Variants in FSTL5 observed in about 807,000 individuals in gnomAD.
FSTL5 encodes follistatin like 5.
In FSTL5, 62 loss-of-function variants were observed where a neutral mutation model predicts 89.1. The observed-to-expected ratio is 0.70, with a 90% CI of 0.57 to 0.86. The LOEUF is 0.86. Among genes scored for constraint, FSTL5 ranks in the 40% least tolerant of loss-of-function variants. The pLI is 0.00. For synonymous variants in FSTL5, 383 were observed against 346.2 expected, an observed-to-expected ratio of 1.11 and a Z score of -1.18; for missense variants, 1,057 against 1,001.6, an observed-to-expected ratio of 1.06 and a Z score of -0.75.
At chr4:161,672,270 T>A (rs1009122702) in intron 6 of FSTL5, among the ~76,000 whole-genome samples, 1 of 152,082 alleles carries the variant, frequency 6.6e-6, no homozygotes, top group Non-Finnish European at 1.5e-5. Flanking sequence ...AAGTTTGCAA[T>A]TATAAATACT....
At chr4:161,744,007 G>C (rs1322728607) in intron 6 of FSTL5, among the ~76,000 whole-genome samples, 1 of 152,124 alleles carries the variant, frequency 6.6e-6, no homozygotes, top group African/African-American at 2.4e-5. Flanking sequence ...TTGCTGACAA[G>C]TTCAGAAACA....
At chr4:161,799,252 C>A (rs932054565) in intron 4 of FSTL5, among the ~76,000 whole-genome samples, 3 of 151,558 alleles carry the variant, frequency 2.0e-5, no homozygotes. Flanking sequence ...TTTGCCCCCT[C>A]CCCGCCGCCA....
chr4:161,700,927 T>G (rs533514978), intron 6 of FSTL5, among the ~76,000 whole-genome samples: 1 of 152,316 alleles, frequency 6.6e-6, no homozygotes, highest in Admixed American at 6.5e-5. Context: ...AGTTTGGAGC[T>G]TCTCATTTTT....
intron 4 of FSTL5, among the ~76,000 whole-genome samples, chr4:161,895,115 A>G (rs529762765): frequency 4.6e-5 from 7 of 152,320 alleles, no homozygotes; most frequent in Non-Finnish European, 8.8e-5. Context: ...GAATGTTTGG[A>G]TAACTTGCCC....
chr4:161,520,510 T>C lies in FSTL5; in HGVS notation c.1313-10086A>G, dbSNP rs146818327. 6.7e-3 allele frequency among the ~76,000 whole-genome samples: 1,025 copies of C among 152,186 alleles called. 11 individuals carry two copies. Among genetic ancestry groups the C allele is most frequent in the African/African-American group, 0.023 (964 of 41,544 alleles). On this transcript the variant is annotated intron_variant, in intron 10 of 15. Transcript: ENST00000306100. ...ATCAAAGACATCGTATATGCTGCTG[T>C]ATATAGGCATTCTAAGTAAACACAT...
At chr4:162,020,138 T>G (rs1737030514) in intron 3 of FSTL5, among the ~76,000 whole-genome samples, 2 of 151,828 alleles carry the variant, frequency 1.3e-5, no homozygotes, top group African/African-American at 2.4e-5. Flanking sequence ...TGAGAAAGTT[T>G]ATAGCAAATG....
intron 4 of FSTL5, among the ~76,000 whole-genome samples, chr4:161,881,624 C>A (rs537485778): frequency 6.6e-6 from 1 of 152,176 alleles, no homozygotes; most frequent in South Asian, 2.1e-4. Context: ...GCTCTACAAA[C>A]TCCAGTGAAG....
chr4:161,411,804 G>A (rs1011742473), intron 15 of FSTL5, among the ~76,000 whole-genome samples: 12 of 152,036 alleles, frequency 7.9e-5, no homozygotes, highest in Admixed American at 5.2e-4. Context: ...CTCAGCACTC[G>A]CATTTAACAT....
At chr4:161,773,195 A>C (rs1056684490) in intron 5 of FSTL5, among the ~76,000 whole-genome samples, 1 of 152,188 alleles carries the variant, frequency 6.6e-6, no homozygotes, top group African/African-American at 2.4e-5. Context: ...AAATCAACTC[A>C]AGATGGATCA....
intron 7 of FSTL5, among the ~76,000 whole-genome samples, chr4:161,610,744 T>C (rs555690901): frequency 2.0e-4 from 30 of 151,522 alleles, no homozygotes; most frequent in South Asian, 1.3e-3. Flanking sequence ...CACATTGATA[T>C]GAAATTGTTA....
At chr4:161,914,734 C>A (rs1384618323) in intron 4 of FSTL5, among the ~76,000 whole-genome samples, 2 of 152,024 alleles carry the variant, frequency 1.3e-5, no homozygotes, top group African/African-American at 4.8e-5. Flanking sequence ...AATACTATAA[C>A]TGAATATAAA....
chr4:161,700,424 A>C (rs1390984697), intron 6 of FSTL5, among the ~76,000 whole-genome samples: 1 of 152,162 alleles, frequency 6.6e-6, no homozygotes, highest in Non-Finnish European at 1.5e-5. Flanking sequence ...TACTTGTCAA[A>C]TATCTTCGTT....
At chr4:161,897,575 C>CAAAAAA (rs35785865) in intron 4 of FSTL5, among the ~76,000 whole-genome samples, 1 of 81,444 alleles carries the variant, frequency 1.2e-5, no homozygotes, top group Non-Finnish European at 2.5e-5. Context: ...AACTCCGTCT[C>CAAAAAA]AAAAAAAAAA....
chr4:161,720,295 C>T (rs527480219), intron 6 of FSTL5, among the ~76,000 whole-genome samples: 7 of 151,212 alleles, frequency 4.6e-5, no homozygotes, highest in Admixed American at 4.6e-4. Flanking sequence ...CAGGGAAATG[C>T]AAATCAAAAC....
At chr4:161,954,188 C>A (rs945601728) in intron 3 of FSTL5, among the ~76,000 whole-genome samples, 1 of 151,424 alleles carries the variant, frequency 6.6e-6, no homozygotes, top group African/African-American at 2.4e-5. Flanking sequence ...AGGGACAGAT[C>A]CACAATATAC....
intron 3 of FSTL5, among the ~76,000 whole-genome samples, chr4:161,938,153 C>T (rs931195598): frequency 6.6e-6 from 1 of 151,992 alleles, no homozygotes; most frequent in Admixed American, 6.6e-5. Flanking sequence ...CTGCATAACA[C>T]CTAAAAAATT....
intron 11 of FSTL5, among the ~76,000 whole-genome samples, chr4:161,505,256 G>T (rs1730436833): frequency 6.6e-6 from 1 of 152,104 alleles, no homozygotes; most frequent in Non-Finnish European, 1.5e-5. Flanking sequence ...GTTCATGAAT[G>T]TTCTCATTCA....
At chr4:162,104,820 C>T (rs1349769910) in intron 2 of FSTL5, among the ~76,000 whole-genome samples, 1 of 152,108 alleles carries the variant, frequency 6.6e-6, no homozygotes, top group Non-Finnish European at 1.5e-5. Flanking sequence ...TGATATTATT[C>T]AGAGTCATTC....
chr4:161,482,856 T>A (rs753942764), intron 12 of FSTL5, among the ~76,000 whole-genome samples: 2 of 152,216 alleles, frequency 1.3e-5, no homozygotes, highest in Non-Finnish European at 2.9e-5. Flanking sequence ...AAGATCTGGT[T>A]CAGTATTGCA....
Sources: allele counts gnomAD v4.1 joint callset (sites outside exome capture counted in the v4.1 genomes callset), GRCh38; gene constraint gnomAD v4.1.1; transcripts MANE v1.5; gene names NCBI Gene and HGNC (gene_info 2026-07-23, HGNC 2026-07-21).